SCN3A: variants seen among roughly 807,000 people sequenced by gnomAD.
The protein encoded by SCN3A is sodium voltage-gated channel alpha subunit 3, also known as sodium channel protein type 3 subunit alpha.
SCN3A carries 60 observed loss-of-function variants against 187.6 expected under a neutral mutation model. The observed-to-expected ratio is 0.32, with a 90% confidence interval of 0.26 to 0.40. SCN3A has a LOEUF of 0.40. Ranked by LOEUF, SCN3A falls within the 10% of genes least tolerant of loss-of-function variation. SCN3A has a pLI of 1.00. For missense variants in SCN3A, 1,601 were observed against 2,428.2 expected (o/e 0.66, Z 7.16); for synonymous variants, 788 against 829.2 (o/e 0.95, Z 0.85).
rs117700548 is a variant in SCN3A at position 165,140,236 on chromosome 2, A to C, written c.2019+415T>G. On this transcript the variant is annotated intron_variant, in intron 13 of 27. Transcript: ENST00000283254. This position sits in a 1 kb window ranked among gnomAD's most constrained non-coding sequence, Gnocchi z 4.2. ...TGTATGAAATTGCCCATTATCAACA[A>C]ATTGGTTATAATATTTAATTTTAAG... Among the ~76,000 whole-genome samples the C allele has an allele frequency of 8.5e-4, 129 of 152,274 alleles. 1 individual carries two copies. The highest frequency in any genetic ancestry group is 7.9e-3 in the East Asian group (41 of 5,180).
intron 21 of SCN3A, among the ~76,000 whole-genome samples, chr2:165,102,301 A>AT (rs1422216120): frequency 6.6e-6 from 1 of 152,202 alleles, no homozygotes; most frequent in Non-Finnish European, 1.5e-5. Flanking sequence ...ACTTAAGGCC[A>AT]TGAGTTCAAG....
chr2:165,100,173 T>C, intron 22 of SCN3A, 129 bp downstream of exon 22: 2 of 1,119,404 alleles, frequency 1.8e-6, no homozygotes, highest in Non-Finnish European at 2.7e-6. Flanking sequence ...CTTTGTGATA[T>C]CTAAGATTTT....
At chr2:165,185,600 G>T (rs1691179719) in intron 2 of SCN3A, among the ~76,000 whole-genome samples, 1 of 152,200 alleles carries the variant, frequency 6.6e-6, no homozygotes, top group South Asian at 2.1e-4. Context: ...CACACTGAGG[G>T]TGGCAGGTCA....
intron 2 of SCN3A, among the ~76,000 whole-genome samples, chr2:165,178,357 G>A (rs1690604763): frequency 6.6e-6 from 1 of 152,022 alleles, no homozygotes; most frequent in African/African-American, 2.4e-5. Flanking sequence ...CTCCTGAGTA[G>A]CTAGGACTAC....
intron 26 of SCN3A, chr2:165,093,047 T>C (rs1457100060): frequency 2.6e-5 from 4 of 152,846 alleles, no homozygotes; most frequent in Non-Finnish European, 5.8e-5. Context: ...AGACCCTGTC[T>C]CTTAAAAAAC....
intron 1 of SCN3A, among the ~76,000 whole-genome samples, chr2:165,199,120 GA>G (rs1233437692): frequency 1.3e-5 from 2 of 152,012 alleles, no homozygotes; most frequent in African/African-American, 4.8e-5. Context: ...AGTATATTCT[GA>G]AAATCAGGAG....
chr2:165,157,592 T>G (rs1689138025), intron 9 of SCN3A, among the ~76,000 whole-genome samples: 1 of 152,182 alleles, frequency 6.6e-6, no homozygotes, highest in Non-Finnish European at 1.5e-5. Context: ...TACTGTAAAT[T>G]TACTCCCTTT....
At position 165,091,398 on chromosome 2, in the gene SCN3A, T is replaced by C. The variant is rs1321258704; in HGVS notation, c.4808-53A>G. On this transcript the variant is annotated intron_variant, in intron 27 of 27. Transcript: ENST00000283254. ...CAGATAATATCTTTCACTTACATGA[T>C]GGCTTTATCTTTTTTAAGGTCTATG... 2.5e-6 allele frequency: 4 copies of C among 1,606,336 alleles called. No homozygotes were observed. In the East Asian group the frequency reaches 8.9e-5, roughly 36 times the overall value.
intron 21 of SCN3A, among the ~76,000 whole-genome samples, chr2:165,109,392 T>C (rs1457351240): frequency 6.6e-6 from 1 of 152,188 alleles, no homozygotes; most frequent in Admixed American, 6.5e-5. Flanking sequence ...GTACCTTGTT[T>C]TGAATGTCTA....
At chr2:165,203,734 A>G (rs1692460467) in intron 1 of SCN3A, 89 bp downstream of exon 1, 1 of 151,974 alleles carries the variant, frequency 6.6e-6, no homozygotes, top group Non-Finnish European at 1.5e-5. Flanking sequence ...TGGGTTAAAA[A>G]TAGCAGCATG....
Position 165,127,924 on chromosome 2 carries a change from G to T in SCN3A, c.3100C>A (p.Pro1034Thr), listed in dbSNP as rs770351039. 1.9e-5 allele frequency: 30 copies of T among 1,613,666 alleles called. No individual in the cohort carries two copies. The highest frequency in any genetic ancestry group is 2.5e-5 in the Non-Finnish European group (30 of 1,179,976). Residue 1034 changes from proline to threonine, a missense_variant, in exon 18 of 28, where the codon CCA (proline) becomes ACA (threonine). Physicochemically the swap from Pro to Thr is conservative, Grantham distance 38. This residue lies in a region of SCN3A where 267 missense variants were observed against 313.2 expected (regional missense o/e 0.85). Coordinates refer to ENST00000283254, the MANE Select transcript of SCN3A (RefSeq NM_006922.4). ...CCTTCATGGATTTCTATAACTTTTG[G>T]CTTTCTAAAAAAGGCTTTTTGGAAA... is the stretch of plus-strand genomic sequence containing the variant. The part of the protein sequence containing the change: ...ECFQKAFFRK[P>T]KVIEIHEGNK...
At chr2:165,200,050 G>A (rs1301748096) in intron 1 of SCN3A, among the ~76,000 whole-genome samples, 1 of 152,052 alleles carries the variant, frequency 6.6e-6, no homozygotes, top group Non-Finnish European at 1.5e-5. Flanking sequence ...TCTACCTCAA[G>A]AAGTAATTCA....
intron 2 of SCN3A, among the ~76,000 whole-genome samples, chr2:165,185,347 T>TC: frequency 6.6e-6 from 1 of 152,326 alleles, no homozygotes; most frequent in African/African-American, 2.4e-5. Flanking sequence ...TCCAGATGTT[T>TC]CCTTCAAGTC....
Position 165,097,337 on chromosome 2 carries a change from T to C in SCN3A, c.4154A>G (p.Gln1385Arg), listed in dbSNP as rs1257624985. Residue 1385 changes from glutamine (Q) to arginine (R), a missense_variant, in exon 23 of 28, where the codon CAG (glutamine) becomes CGG (arginine). This residue lies in a region of SCN3A where 320 missense variants were observed against 623.2 expected (regional missense o/e 0.51). Transcript: ENST00000283254. ...ISDVNNLSDC[Q>R]ALGKQARWKN... is the part of the protein sequence containing the mutation. ...CCACCGAGCTTGCTTGCCAAGAGCC[T>C]GACAGTCACTCAAATTGTTAACATC... 1 of 1,613,994 alleles carries C rather than the reference T, an allele frequency of 6.2e-7. No homozygotes were observed. The highest frequency in any genetic ancestry group is 8.5e-7 in the Non-Finnish European group (1 of 1,179,990).
At chr2:165,135,561 C>A (rs1393027398) in intron 15 of SCN3A, among the ~76,000 whole-genome samples, 3 of 151,988 alleles carry the variant, frequency 2.0e-5, no homozygotes, top group African/African-American at 7.2e-5. Flanking sequence ...ATAATATAGT[C>A]CTAAGTCAGC....
chr2:165,172,451 C>T (rs1690166909), intron 3 of SCN3A, among the ~76,000 whole-genome samples: 1 of 152,078 alleles, frequency 6.6e-6, no homozygotes, highest in African/African-American at 2.4e-5. Context: ...GTTGTTGAAG[C>T]ACAGAAGCAT....
At chr2:165,186,065 A>T (rs750132826) in intron 2 of SCN3A, among the ~76,000 whole-genome samples, 4 of 151,958 alleles carry the variant, frequency 2.6e-5, no homozygotes, top group Admixed American at 6.6e-5. Context: ...AGGTCAGGAG[A>T]TCGAGACCAT....
intron 5 of SCN3A, 58 bp downstream of exon 5, chr2:165,168,678 G>A: frequency 8.7e-7 from 1 of 1,147,312 alleles, no homozygotes; most frequent in Non-Finnish European, 1.3e-6. Context: ...TACCCACAAG[G>A]AGATTGCTAG....
At chr2:165,115,707 T>G (rs1686339332) in intron 18 of SCN3A, 132 bp from the exon 19 acceptor site, 2 of 833,746 alleles carry the variant, frequency 2.4e-6, no homozygotes, top group East Asian at 5.1e-5. Context: ...CTGATCATTA[T>G]GTACTAATAA....
Sources: allele counts gnomAD v4.1 joint callset (sites outside exome capture counted in the v4.1 genomes callset), GRCh38; gene constraint gnomAD v4.1.1; regional missense constraint gnomAD v4.1.1; non-coding constraint Gnocchi (gnomAD v3.1); transcripts MANE v1.5; gene names NCBI Gene and HGNC (gene_info 2026-07-23, HGNC 2026-07-21).